CLSTN2: variants seen among roughly 807,000 people sequenced by gnomAD.
CLSTN2 encodes calsyntenin-2.
A neutral mutation model predicts 101.2 loss-of-function variants in CLSTN2; 48 were observed. The observed-to-expected ratio is 0.47, with a 90% CI of 0.38 to 0.60. The LOEUF (loss-of-function observed/expected upper bound fraction) is 0.60. Among genes scored for constraint, CLSTN2 ranks in the 20% least tolerant of loss-of-function variants. The probability of loss-of-function intolerance (pLI) is 0.00; values close to 1 mark genes in which losing one functional copy is unlikely to be tolerated. For missense variants in CLSTN2, 1,160 were observed against 1,238.2 expected, an observed-to-expected ratio of 0.94 and a Z score of 0.95; for synonymous variants, 481 against 463.6, an observed-to-expected ratio of 1.04 and a Z score of -0.48.
At chr3:140,039,077 C>A (rs2007713519) in intron 1 of CLSTN2, among the ~76,000 whole-genome samples, 2 of 152,164 alleles carry the variant, frequency 1.3e-5, no homozygotes, top group Non-Finnish European at 2.9e-5. Flanking sequence ...TGGTTTGGAA[C>A]CTCGTTCATT....
chr3:140,228,233 C>T (rs1178089696), intron 2 of CLSTN2, among the ~76,000 whole-genome samples: 3 of 152,298 alleles, frequency 2.0e-5, no homozygotes, highest in Admixed American at 2.0e-4. Flanking sequence ...GAAATTTCTT[C>T]TGCCAGATAC....
At chr3:140,054,272 T>C (rs2008055707) in intron 1 of CLSTN2, among the ~76,000 whole-genome samples, 1 of 152,130 alleles carries the variant, frequency 6.6e-6, no homozygotes, top group Non-Finnish European at 1.5e-5. Context: ...CCCAGAATCT[T>C]ATACTGTCAT....
chr3:140,089,837 C>G (rs996445717), intron 1 of CLSTN2, among the ~76,000 whole-genome samples: 4 of 151,686 alleles, frequency 2.6e-5, no homozygotes, highest in African/African-American at 9.7e-5. Context: ...GTCTCAAACT[C>G]CTGGGCTCAA....
intron 1 of CLSTN2, among the ~76,000 whole-genome samples, chr3:139,949,721 C>T (rs747998977): frequency 6.6e-5 from 10 of 152,298 alleles, no homozygotes; most frequent in Non-Finnish European, 8.8e-5. Context: ...ATACCAAACA[C>T]GTGGGAGAAT....
At chr3:140,240,201 C>T (rs56099339) in intron 2 of CLSTN2, among the ~76,000 whole-genome samples, 14,220 of 24,070 alleles carry the variant, frequency 0.59, 5,168 homozygotes, top group Non-Finnish European at 0.85. Flanking sequence ...TATATATATA[C>T]ACACACACAC....
At chr3:140,159,288 C>T (rs1236885610) in intron 1 of CLSTN2, among the ~76,000 whole-genome samples, 1 of 151,998 alleles carries the variant, frequency 6.6e-6, no homozygotes, top group East Asian at 1.9e-4. Flanking sequence ...CAACAAAGGC[C>T]TAATATCCAG....
At chr3:140,546,013 G>A (rs886502274) in intron 9 of CLSTN2, among the ~76,000 whole-genome samples, 1 of 152,216 alleles carries the variant, frequency 6.6e-6, no homozygotes, top group Non-Finnish European at 1.5e-5. Flanking sequence ...TGCGAGCTTT[G>A]AGGTCAGACA....
intron 2 of CLSTN2, among the ~76,000 whole-genome samples, chr3:140,247,603 T>C (rs1177278762): frequency 3.3e-5 from 5 of 152,224 alleles, no homozygotes; most frequent in African/African-American, 1.2e-4. Flanking sequence ...TTATTTACTT[T>C]GCTGCAGTTC....
intron 5 of CLSTN2, among the ~76,000 whole-genome samples, chr3:140,424,674 G>A (rs2088544882): frequency 6.6e-6 from 1 of 152,190 alleles, no homozygotes; most frequent in Admixed American, 6.5e-5. Context: ...CCCTTACTGT[G>A]AGTGGGCATC....
chr3:140,346,420 G>T (rs1476146270), intron 2 of CLSTN2, among the ~76,000 whole-genome samples: 1 of 152,160 alleles, frequency 6.6e-6, no homozygotes, highest in African/African-American at 2.4e-5. Flanking sequence ...CCATACTCTG[G>T]TTGTTGCTCC....
intron 1 of CLSTN2, among the ~76,000 whole-genome samples, chr3:140,027,787 G>C (rs1053811429): frequency 6.6e-6 from 1 of 152,160 alleles, no homozygotes. Flanking sequence ...TAAAAATTTT[G>C]TTTCCGCAAA....
rs540627643 is a variant in CLSTN2 at position 140,157,977 on chromosome 3, T to G, written c.110-17974T>G. On this transcript the variant is annotated intron_variant, in intron 1 of 16. Transcript: ENST00000458420. ...AAATCCAGTGTCCCTTCATAACACT[T>G]GATCTTAGCCAAAAGGCCGAGAAGC... Among the ~76,000 whole-genome samples, 255 of 152,304 alleles carry G rather than the reference T, an allele frequency of 1.7e-3. 1 individual carries two copies. Among genetic ancestry groups the G allele is most frequent in the African/African-American group, 4.4e-3 (183 of 41,570 alleles).
chr3:140,314,059 A>G (rs57865055), intron 2 of CLSTN2, among the ~76,000 whole-genome samples: 2,974 of 152,284 alleles, frequency 0.02, 74 homozygotes, highest in South Asian at 0.1. Context: ...GAACTCTACC[A>G]TTTGTAGAGC....
At chr3:140,539,420 G>A (rs1229044151) in intron 9 of CLSTN2, among the ~76,000 whole-genome samples, 1 of 152,160 alleles carries the variant, frequency 6.6e-6, no homozygotes, top group Non-Finnish European at 1.5e-5. Flanking sequence ...CAAGTTTAAA[G>A]TTCAGTGAAT....
intron 8 of CLSTN2, among the ~76,000 whole-genome samples, chr3:140,521,223 T>TTGAG (rs998411294): frequency 6.6e-5 from 10 of 152,180 alleles, no homozygotes; most frequent in African/African-American, 2.4e-4. Context: ...CTCTGACTTT[T>TTGAG]TGAGTTTTCA....
chr3:140,542,130 A>T (rs1576619423), intron 9 of CLSTN2, among the ~76,000 whole-genome samples: 3 of 152,104 alleles, frequency 2.0e-5, no homozygotes, highest in East Asian at 1.9e-4. Flanking sequence ...AATGATGGTT[A>T]TTTTTTTTCC....
chr3:140,490,654 C>G (rs1934337372), intron 8 of CLSTN2, among the ~76,000 whole-genome samples: 1 of 151,528 alleles, frequency 6.6e-6, no homozygotes, highest in East Asian at 1.9e-4. Context: ...TGGAGAGGCC[C>G]TTGGCTTCAA....
intron 1 of CLSTN2, among the ~76,000 whole-genome samples, chr3:140,034,176 A>T (rs1004887217): frequency 1.3e-5 from 2 of 152,240 alleles, no homozygotes; most frequent in Non-Finnish European, 2.9e-5. Context: ...TCTGCAGTGC[A>T]TAGAAATTAA....
At chr3:140,265,830 A>G (rs961878366) in intron 2 of CLSTN2, among the ~76,000 whole-genome samples, 1 of 152,184 alleles carries the variant, frequency 6.6e-6, no homozygotes, top group African/African-American at 2.4e-5. Flanking sequence ...TAGAAAAACT[A>G]GGCAGATAGA....
Sources: allele counts gnomAD v4.1 joint callset (sites outside exome capture counted in the v4.1 genomes callset), GRCh38; gene constraint gnomAD v4.1.1; transcripts MANE v1.5; gene names NCBI Gene and HGNC (gene_info 2026-07-23, HGNC 2026-07-21).